NAALADL2: variants seen among roughly 807,000 people sequenced by gnomAD.
NAALADL2 encodes inactive N-acetylated-alpha-linked acidic dipeptidase-like protein 2.
In NAALADL2, 76 loss-of-function variants were observed where a neutral mutation model predicts 87.2. The observed-to-expected ratio is 0.87, with a 90% CI of 0.72 to 1.05. NAALADL2 has a LOEUF of 1.05. Ranked by LOEUF, NAALADL2 falls within the 50% of genes least tolerant of loss-of-function variation. NAALADL2 has a pLI of 0.00. For missense variants in NAALADL2, 1,089 were observed against 945.8 expected (o/e 1.15, Z -1.99); for synonymous variants, 354 against 331.0 (o/e 1.07, Z -0.75).
At chr3:174,964,747 ATAATAGTAG>A (rs1252788542) in intron 1 of NAALADL2, among the ~76,000 whole-genome samples, 2 of 152,030 alleles carry the variant, frequency 1.3e-5, no homozygotes, top group African/African-American at 4.8e-5. Flanking sequence ...GCTGCTTGTA[ATAATAGTAG>A]TAATAGTAAT....
At chr3:175,255,710 A>T (rs887814262) in intron 3 of NAALADL2, among the ~76,000 whole-genome samples, 1 of 152,212 alleles carries the variant, frequency 6.6e-6, no homozygotes, top group African/African-American at 2.4e-5. Flanking sequence ...CCAGAAAGGC[A>T]TGAGATTTTT....
chr3:174,839,629 A>T (rs772574588), intron 3 of NAALADL2, among the ~76,000 whole-genome samples: 2 of 152,150 alleles, frequency 1.3e-5, no homozygotes, highest in Non-Finnish European at 2.9e-5. Context: ...ATCTATAACT[A>T]ACTCAAAAAA....
chr3:175,064,599 G>A (rs1422106521), intron 1 of NAALADL2, among the ~76,000 whole-genome samples: 1 of 152,160 alleles, frequency 6.6e-6, no homozygotes. Flanking sequence ...TGACTTATCA[G>A]GGAGGAAGCT....
intron 11 of NAALADL2, among the ~76,000 whole-genome samples, chr3:175,684,043 G>A (rs959897599): frequency 2.6e-5 from 4 of 151,790 alleles, no homozygotes; most frequent in Non-Finnish European, 5.9e-5. Context: ...TATAGTAGAA[G>A]CAATTTTATG....
chr3:175,030,850 G>A (rs968591774), intron 1 of NAALADL2, among the ~76,000 whole-genome samples: 1 of 151,878 alleles, frequency 6.6e-6, no homozygotes, highest in African/African-American at 2.4e-5. Flanking sequence ...AACAGTTAAT[G>A]GATTTTGGAT....
At chr3:174,565,605 G>C (rs1015144063) in intron 2 of NAALADL2, among the ~76,000 whole-genome samples, 1 of 151,920 alleles carries the variant, frequency 6.6e-6, no homozygotes, top group Non-Finnish European at 1.5e-5. Flanking sequence ...TTAAGTTTTG[G>C]TAATTGTTAA....
intron 2 of NAALADL2, among the ~76,000 whole-genome samples, chr3:174,618,413 A>AT (rs919166035): frequency 6.6e-6 from 1 of 151,570 alleles, no homozygotes; most frequent in Non-Finnish European, 1.5e-5. Flanking sequence ...TGGGGCCTTA[A>AT]TTTTTTTTCA....
intron 9 of NAALADL2, among the ~76,000 whole-genome samples, chr3:175,558,506 G>T (rs940454124): frequency 6.6e-6 from 1 of 152,116 alleles, no homozygotes; most frequent in East Asian, 1.9e-4. Context: ...CCTGTCCAAT[G>T]TCCTGGAGAG....
chr3:174,542,513 G>A (rs6793059), intron 1 of NAALADL2, among the ~76,000 whole-genome samples: 30,486 of 151,994 alleles, frequency 0.2, 3,140 homozygotes, highest in East Asian at 0.32. Flanking sequence ...TTTACCATCT[G>A]GAAGACACAA....
intron 3 of NAALADL2, among the ~76,000 whole-genome samples, chr3:174,793,763 C>A (rs1269611104): frequency 6.6e-6 from 1 of 151,322 alleles, no homozygotes; most frequent in Non-Finnish European, 1.5e-5. Context: ...CAACCAGGTA[C>A]TGTTTACAGG....
At chr3:175,787,487 G>A (rs1034614516) in intron 13 of NAALADL2, among the ~76,000 whole-genome samples, 22 of 152,282 alleles carry the variant, frequency 1.4e-4, no homozygotes, top group Admixed American at 2.0e-4. Context: ...AGGTGCGTCC[G>A]TCACCCCTTT....
chr3:175,742,457 G>A (rs539412694), intron 12 of NAALADL2, among the ~76,000 whole-genome samples: 11 of 145,922 alleles, frequency 7.5e-5, no homozygotes, highest in African/African-American at 2.8e-4. Context: ...GAGTGCAGTG[G>A]CGCGATCTTG....
intron 11 of NAALADL2, among the ~76,000 whole-genome samples, chr3:175,686,850 G>C (rs1582893212): frequency 6.6e-6 from 1 of 152,158 alleles, no homozygotes; most frequent in Non-Finnish European, 1.5e-5. Context: ...TGAAAAAACA[G>C]TGGTGAAAAT....
chr3:175,496,499 A>T (rs1206217625), intron 9 of NAALADL2, among the ~76,000 whole-genome samples: 1 of 152,038 alleles, frequency 6.6e-6, no homozygotes, highest in Non-Finnish European at 1.5e-5. Context: ...CCAATTTCAT[A>T]TTTGGATTCT....
chr3:174,451,843 GTT>G lies in NAALADL2; in HGVS notation c.-184+10839_-184+10840del, dbSNP rs764587503. Among the ~76,000 whole-genome samples the G allele has an allele frequency of 4.5e-3, 440 of 97,902 alleles. 2 individuals carry two copies. Among genetic ancestry groups the G allele is most frequent in the African/African-American group, 0.018 (363 of 19,860 alleles). The allele number at this position is 97,902 out of a possible 152,430, so 64.2% of individuals were successfully genotyped here. On this transcript the variant is annotated intron_variant, in intron 1 of 3. Transcript: ENST00000434257. ...TAATGTAGTGCTAAGGATAGTGGGA[GTT>G]TTTTTTTTTTTTTTTTTTTTTTTTT...
intron 5 of NAALADL2, among the ~76,000 whole-genome samples, chr3:175,355,559 C>T (rs564094232): frequency 6.6e-6 from 1 of 152,126 alleles, no homozygotes; most frequent in Non-Finnish European, 1.5e-5. Flanking sequence ...ATTCTTGAGT[C>T]TCAGCTTGGA....
intron 9 of NAALADL2, among the ~76,000 whole-genome samples, chr3:175,566,498 C>T (rs1343930080): frequency 1.3e-5 from 2 of 152,106 alleles, no homozygotes; most frequent in African/African-American, 2.4e-5. Context: ...TAAACAGATT[C>T]ATTTTTCTTT....
intron 1 of NAALADL2, among the ~76,000 whole-genome samples, chr3:174,478,146 TACTG>T (rs1717328265): frequency 6.6e-6 from 1 of 152,182 alleles, no homozygotes; most frequent in Non-Finnish European, 1.5e-5. Context: ...ATTTTACAAA[TACTG>T]ACTGGTTGTG....
chr3:175,628,547 T>C (rs923856841), intron 11 of NAALADL2, among the ~76,000 whole-genome samples: 1 of 149,846 alleles, frequency 6.7e-6, no homozygotes, highest in Non-Finnish European at 1.5e-5. Context: ...TGTCATCACC[T>C]GCCTTTTGGG....
Sources: gnomAD v4.1 joint callset for allele counts (sites outside exome capture counted in the v4.1 genomes callset) on GRCh38, gnomAD v4.1.1 for gene constraint, MANE v1.5 for transcripts, NCBI Gene and HGNC (gene_info 2026-07-23, HGNC 2026-07-21) for gene names.